COG5: variants seen among roughly 807,000 people sequenced by gnomAD.
COG5 encodes the protein component of oligomeric golgi complex 5, also known as conserved oligomeric Golgi complex subunit 5.
Under a neutral mutation model 110.4 loss-of-function variants are expected in COG5, and 86 were observed. That is an observed-to-expected ratio of 0.78 (90% CI 0.65 to 0.93). The LOEUF (loss-of-function observed/expected upper bound fraction) is 0.93, where lower values mean the gene tolerates loss of function less well. Among genes scored for constraint, COG5 ranks in the 40% least tolerant of loss-of-function variants. The pLI is 0.00. For missense variants in COG5, 1,077 were observed against 987.0 expected (o/e 1.09, Z -1.22); for synonymous variants, 360 against 334.6 (o/e 1.08, Z -0.83).
Position 107,372,898 on chromosome 7 carries a change from C to G in COG5, c.670-138G>C, listed in dbSNP as rs934036589. ...TACCATATTTTAAAATTATCAAAGA[C>G]AAGAAAAAACACATTTTGAAGTGAA... On this transcript the variant is annotated intron_variant, in intron 7 of 21. Transcript: ENST00000297135. 30 of 742,926 alleles carry G rather than the reference C, an allele frequency of 4.0e-5. No individual in the cohort carries two copies. The African/African-American group carries it at 4.5e-4, about 11-fold the overall frequency. The allele number at this position is 742,926 out of a possible 1,614,324, so 46.0% of individuals were successfully genotyped here. A position where few individuals can be genotyped will look rare whatever the true frequency, so the allele number is the denominator to read the frequency against.
intron 6 of COG5, among the ~76,000 whole-genome samples, chr7:107,415,056 T>C (rs1410897524): frequency 6.6e-6 from 1 of 152,060 alleles, no homozygotes; most frequent in Non-Finnish European, 1.5e-5. Flanking sequence ...GCCTCCTCCT[T>C]TGTGTAAATG....
chr7:107,563,435 G>A (rs557682158), intron 1 of COG5: 3 of 369,964 alleles, frequency 8.1e-6, no homozygotes, highest in Middle Eastern at 9.2e-4. Context: ...TTACACTTTT[G>A]AAGAGCTCGA....
chr7:107,374,443 C>T lies in COG5; in HGVS notation c.670-1683G>A, dbSNP rs558048565. 9.2e-5 allele frequency among the ~76,000 whole-genome samples: 14 copies of T among 152,198 alleles called. No homozygotes were observed. The East Asian group carries it at 2.5e-3, about 27-fold the overall frequency. On this transcript the variant is annotated intron_variant, in intron 7 of 21. Coordinates refer to ENST00000297135, the MANE Select transcript of COG5 (RefSeq NM_006348.5). ...ATTGCCTTTACTATTATCAGAGGATCTGAAAAGCATAGCTTCTCCACACAC... is the reference window on the plus strand; with the variant it reads ...ATTGCCTTTACTATTATCAGAGGATTTGAAAAGCATAGCTTCTCCACACAC...
chr7:107,307,231 T>C (rs1429455490), intron 11 of COG5, among the ~76,000 whole-genome samples: 3 of 152,178 alleles, frequency 2.0e-5, no homozygotes, highest in Admixed American at 6.6e-5. Context: ...CCAACAACAG[T>C]GGGCGTTTTT....
intron 7 of COG5, among the ~76,000 whole-genome samples, chr7:107,392,540 A>AT (rs1326388126): frequency 4.6e-5 from 7 of 152,120 alleles, no homozygotes; most frequent in Non-Finnish European, 1.0e-4. Flanking sequence ...AGAAAGGCCT[A>AT]TTTTTTAGAA....
chr7:107,455,992 T>G (rs1262322042), intron 6 of COG5, among the ~76,000 whole-genome samples: 2 of 151,830 alleles, frequency 1.3e-5, no homozygotes, highest in Non-Finnish European at 2.9e-5. Context: ...AGAGACAGGG[T>G]TTCCCCATGT....
chr7:107,350,339 G>T (rs1467125996), intron 10 of COG5, among the ~76,000 whole-genome samples: 3 of 152,032 alleles, frequency 2.0e-5, no homozygotes, highest in Non-Finnish European at 4.4e-5. Flanking sequence ...TGTGTTTACT[G>T]TATCTGCTCT....
At chr7:107,505,634 G>T (rs1005439861) in intron 6 of COG5, among the ~76,000 whole-genome samples, 6 of 152,230 alleles carry the variant, frequency 3.9e-5, no homozygotes, top group Admixed American at 3.3e-4. Flanking sequence ...AGGACTGCCT[G>T]ACTGTTGGGG....
chr7:107,502,562 G>A (rs1798705081), intron 6 of COG5, among the ~76,000 whole-genome samples: 1 of 152,000 alleles, frequency 6.6e-6, no homozygotes, highest in African/African-American at 2.4e-5. Context: ...GGATTGAATG[G>A]TAGATCTACT....
intron 6 of COG5, among the ~76,000 whole-genome samples, chr7:107,424,743 C>T (rs891421363): frequency 6.6e-6 from 1 of 152,038 alleles, no homozygotes; most frequent in Non-Finnish European, 1.5e-5. Flanking sequence ...GACTAGAAAA[C>T]AGAATTATAA....
At chr7:107,470,655 A>G (rs1427866579) in intron 6 of COG5, among the ~76,000 whole-genome samples, 4 of 152,114 alleles carry the variant, frequency 2.6e-5, no homozygotes, top group African/African-American at 9.7e-5. Context: ...TATTCTTTGT[A>G]AATTCATTAT....
chr7:107,304,735 C>T (rs1289314319), intron 11 of COG5, among the ~76,000 whole-genome samples: 1 of 152,186 alleles, frequency 6.6e-6, no homozygotes, highest in Non-Finnish European at 1.5e-5. Flanking sequence ...CCAAAGACCT[C>T]CTGTCTAGGA....
Position 107,474,537 on chromosome 7 carries a change from G to A in COG5, c.538+52700C>T, listed in dbSNP as rs769900824. 1.2e-6 allele frequency: 2 copies of A among 1,611,372 alleles called. No individual in the cohort carries two copies. The highest frequency in any genetic ancestry group is 1.1e-5 in the South Asian group (1 of 90,980). On this transcript the variant is annotated intron_variant, in intron 6 of 21. Transcript: ENST00000297135. The surrounding 1 kb of genome is among the most constrained non-coding windows in gnomAD (Gnocchi z 5.7). ...TTCTGACAATGGGCAGAGCTGTAAT[G>A]TTAATGATATCCATTTGGATTTTTT...
intron 6 of COG5, among the ~76,000 whole-genome samples, chr7:107,517,568 AG>A (rs1800015201): frequency 6.6e-6 from 1 of 152,204 alleles, no homozygotes; most frequent in South Asian, 2.1e-4. Context: ...GTTGAATTGA[AG>A]GAAAAAATGT....
rs530323655 is a variant in COG5, at chr7:107,414,703, C to CTTTTTTTTTTTTTTT, written c.539-2086_539-2072dup. ...ATTGATTCCAAAATCCTCACTGTCCCTTTTTTTTTTTTTTTTTTTTTTTTT... is the reference window on the plus strand; with the variant it reads ...ATTGATTCCAAAATCCTCACTGTCCCTTTTTTTTTTTTTTTTTTTTTTTTTTTTTTTTTTTTTTTT... On this transcript the variant is annotated intron_variant, in intron 6 of 21. Transcript: ENST00000297135. Among the ~76,000 whole-genome samples the CTTTTTTTTTTTTTTT allele has an allele frequency of 2.6e-4, 16 of 61,712 alleles. 2 individuals carry two copies. The highest frequency in any genetic ancestry group is 9.4e-3 in the Middle Eastern group (1 of 106). The allele number at this position is 61,712 out of a possible 152,430, so 40.5% of individuals were successfully genotyped here.
intron 11 of COG5, among the ~76,000 whole-genome samples, chr7:107,323,326 C>G (rs1275573959): frequency 6.6e-6 from 1 of 152,024 alleles, no homozygotes; most frequent in Non-Finnish European, 1.5e-5. Flanking sequence ...GTCAGGAGTT[C>G]GAGACCAGCC....
In COG5 at chr7:107,526,076, T is replaced by C. The variant is rs574917697; in HGVS notation, c.538+1161A>G. On this transcript the variant is annotated intron_variant, in intron 6 of 21. Transcript: ENST00000297135. ...TAAGCATTACAGCATAGCATGACTATATAATCAAAAAATCAAAGACAGGAA... is the reference window on the plus strand; with the variant it reads ...TAAGCATTACAGCATAGCATGACTACATAATCAAAAAATCAAAGACAGGAA... 7.2e-5 allele frequency among the ~76,000 whole-genome samples: 11 copies of C among 152,314 alleles called. No homozygotes were observed. The East Asian group carries it at 7.7e-4, about 11-fold the overall frequency.
chr7:107,394,519 G>T (rs1005735523), intron 7 of COG5, among the ~76,000 whole-genome samples: 1 of 152,090 alleles, frequency 6.6e-6, no homozygotes, highest in Non-Finnish European at 1.5e-5. Flanking sequence ...GCCAAAACAG[G>T]AACACTGTAA....
intron 11 of COG5, among the ~76,000 whole-genome samples, chr7:107,310,356 A>C (rs964097871): frequency 6.6e-6 from 1 of 152,242 alleles, no homozygotes; most frequent in African/African-American, 2.4e-5. Flanking sequence ...GTTTCACAGA[A>C]TTTAAGCTGC....
Sources: allele counts gnomAD v4.1 joint callset (sites outside exome capture counted in the v4.1 genomes callset), GRCh38; gene constraint gnomAD v4.1.1; non-coding constraint Gnocchi (gnomAD v3.1); transcripts MANE v1.5; gene names NCBI Gene and HGNC (gene_info 2026-07-23, HGNC 2026-07-21).